Variants in HDAC5 observed in about 807,000 individuals in gnomAD.
HDAC5 encodes antigen NY-CO-9.
Under a neutral mutation model 133.3 loss-of-function variants are expected in HDAC5, and 25 were observed. The ratio of observed to expected loss-of-function variants is 0.19; its 90% CI spans 0.14 to 0.26. HDAC5 has a LOEUF of 0.26. Among genes scored for constraint, HDAC5 ranks in the 10% least tolerant of loss-of-function variants. The pLI, the probability that HDAC5 is intolerant of heterozygous loss-of-function variation, is 1.00. For synonymous variants in HDAC5, 589 were observed against 610.8 expected, an observed-to-expected ratio of 0.96 and a Z score of 0.53; for missense variants, 1,041 against 1,460.5, an observed-to-expected ratio of 0.71 and a Z score of 4.68.
chr17:44,093,872 AG>A, intron 3 of HDAC5, 38 bp from the exon 4 acceptor site: 1 of 1,453,704 alleles, frequency 6.9e-7, no homozygotes, highest in Non-Finnish European at 9.1e-7. Flanking sequence ...TAGTGGGCCC[AG>A]CCCCAGACTC....
Position 44,078,205 on chromosome 17 carries a change from A to T in HDAC5, c.*171T>A. On this transcript the variant is annotated 3_prime_UTR_variant, in exon 27 of 27. Transcript: ENST00000682912. Reference sequence around the variant, plus strand: ...CCCTGCAGAGGGAGCAGGCTTCTAGAGCTGAGGTGGAAGCCACAGGGCTGG... The same window carrying T: ...CCCTGCAGAGGGAGCAGGCTTCTAGTGCTGAGGTGGAAGCCACAGGGCTGG... 1.7e-6 allele frequency: 1 copy of T among 590,854 alleles called. No homozygotes were observed. Among genetic ancestry groups the T allele is most frequent in the Non-Finnish European group, 2.8e-6 (1 of 356,956 alleles). The allele number at this position is 590,854 out of a possible 1,614,324, so 36.6% of individuals were successfully genotyped here.
Position 44,093,178 on chromosome 17 carries a change from C to G in HDAC5, c.555G>C (p.Leu185=), listed in dbSNP as rs2051047502. ...ESAIASTEVK[L]RLQEFLLSKS... is the part of the protein sequence containing the mutation. ...TCGACAAGAGGAATTCCTGGAGCCT[C>G]AGCTTTACCTCAGTGCTGGCAATGG... The change falls in exon 6 of 27, where the codon CTG becomes CTC. Residue 185 remains leucine, a synonymous_variant. Transcript: ENST00000682912. 1 of 1,613,548 alleles carries G rather than the reference C, an allele frequency of 6.2e-7. No individual in the cohort carries two copies. Among genetic ancestry groups the G allele is most frequent in the African/African-American group, 1.3e-5 (1 of 74,938 alleles).
chr17:44,086,583 A>G lies in HDAC5; in HGVS notation c.2039T>C (p.Leu680Pro). The stretch of plus-strand genomic sequence containing the variant: ...TGGTGGGGGCTCACCTGTGGTGAAG[A>G]GGTGCTTGACGGGCTGGTCTGGGGG... ...KSPPDQPVKH[L>P]FTTGVVYDTF... Residue 680 changes from leucine (L) to proline (P), a missense_variant, in exon 14 of 27, where the codon CTC becomes CCC. Physicochemically the swap from Leu to Pro is moderately conservative, Grantham distance 98 (BLOSUM62 -3). Coordinates refer to ENST00000682912, the MANE Select transcript of HDAC5 (RefSeq NM_005474.5). 1 of 1,303,948 alleles carries G rather than the reference A, an allele frequency of 7.7e-7. No homozygotes were observed. The highest frequency in any genetic ancestry group is 9.8e-7 in the Non-Finnish European group (1 of 1,018,488). 80.8% of individuals were successfully genotyped at this position (1,303,948 alleles called of 1,614,324 possible).
rs2050296036 is a variant in HDAC5 at position 44,079,665 on chromosome 17, GAAAA to G, written c.2945-392_2945-389del. Among the ~76,000 whole-genome samples, 4 of 133,452 alleles carry G rather than the reference GAAAA, an allele frequency of 3.0e-5. 1 individual carries two copies. The highest frequency in any genetic ancestry group is 1.0e-4 in the African/African-American group (4 of 38,318). 87.5% of individuals were successfully genotyped at this position (133,452 alleles called of 152,430 possible). A position where few individuals can be genotyped will look rare whatever the true frequency, so the allele number is the denominator to read the frequency against. ...AAAAAAAAAAAAAAAAAAAAAGAAA[GAAAA>G]GGAGAGAAAAAGAAACACAAGAGGT... is the stretch of plus-strand genomic sequence containing the variant. On this transcript the variant is annotated intron_variant, in intron 23 of 26. Coordinates refer to ENST00000682912, the MANE Select transcript of HDAC5 (RefSeq NM_005474.5).
intron 1 of HDAC5, among the ~76,000 whole-genome samples, chr17:44,122,851 T>C (rs553061171): frequency 6.6e-6 from 1 of 152,174 alleles, no homozygotes; most frequent in African/African-American, 2.4e-5. Flanking sequence ...GGGAGCTCCA[T>C]TTCATCTCCT....
chr17:44,117,616 C>CGGGACGGGAGCCCG lies in HDAC5; in HGVS notation c.-115_-102dup. ...AGACAGACGATAACAGACAGACGGA[C>CGGGACGGGAGCCCG]GGGACGGGAGCCCGGGGCCGCCGTG... On this transcript the variant is annotated 5_prime_UTR_variant, in exon 2 of 27. An upstream open reading frame in the 5' UTR loses its in-frame stop. Coordinates refer to ENST00000682912, the MANE Select transcript of HDAC5 (RefSeq NM_005474.5). This position sits in a 1 kb window ranked among gnomAD's most constrained non-coding sequence, Gnocchi z 4.2. The CGGGACGGGAGCCCG allele has an allele frequency of 7.0e-7, 1 of 1,429,526 alleles. No individual in the cohort carries two copies. The highest frequency in any genetic ancestry group is 2.3e-5 in the East Asian group (1 of 44,034). 88.6% of individuals were successfully genotyped at this position (1,429,526 alleles called of 1,614,324 possible). A position where few individuals can be genotyped will look rare whatever the true frequency, so the allele number is the denominator to read the frequency against.
chr17:44,110,665 A>C, intron 3 of HDAC5, 64 bp downstream of exon 3: 1 of 1,334,296 alleles, frequency 7.5e-7, no homozygotes, highest in Non-Finnish European at 1.1e-6. Flanking sequence ...TCAGGGCCAG[A>C]TGCTCAGCCC....
chr17:44,117,598 CGAT>C lies in HDAC5; in HGVS notation c.-86_-84del. ...CTGCGGTGATGTCAAGAGAGACAGA[CGAT>C]AACAGACAGACGGACGGGACGGGAG... On this transcript the variant is annotated 5_prime_UTR_variant, in exon 2 of 27. Coordinates refer to ENST00000682912, the MANE Select transcript of HDAC5 (RefSeq NM_005474.5). The surrounding 1 kb of genome is among the most constrained non-coding windows in gnomAD (Gnocchi z 4.2). The C allele has an allele frequency of 6.6e-7, 1 of 1,508,842 alleles. No homozygotes were observed. Among genetic ancestry groups the C allele is most frequent in the Middle Eastern group, 1.7e-4 (1 of 5,826 alleles). The allele number at this position is 1,508,842 out of a possible 1,614,324, so 93.5% of individuals were successfully genotyped here.
chr17:44,106,643 T>A (rs969499887), intron 3 of HDAC5, among the ~76,000 whole-genome samples: 2 of 151,250 alleles, frequency 1.3e-5, no homozygotes, highest in Admixed American at 1.3e-4. Flanking sequence ...CAGGCTGGAG[T>A]GCAATGGCGC....
intron 1 of HDAC5, among the ~76,000 whole-genome samples, chr17:44,119,726 G>T (rs749354425): frequency 2.0e-5 from 3 of 152,164 alleles, no homozygotes; most frequent in African/African-American, 7.2e-5. Context: ...TGGTCTGATC[G>T]GGACAAGCAC....
chr17:44,087,126 G>A (rs923023656), intron 13 of HDAC5, among the ~76,000 whole-genome samples: 3 of 151,572 alleles, frequency 2.0e-5, no homozygotes, highest in Admixed American at 2.0e-4. Context: ...CACGCACAGG[G>A]ACCGACGCAT....
chr17:44,118,174 C>G (rs2052766615), intron 1 of HDAC5, among the ~76,000 whole-genome samples: 1 of 152,222 alleles, frequency 6.6e-6, no homozygotes, highest in South Asian at 2.1e-4. Flanking sequence ...CTTCTCCCGA[C>G]TTTCTGATCC....
chr17:44,114,511 G>A (rs1304090141), intron 2 of HDAC5, among the ~76,000 whole-genome samples: 2 of 152,178 alleles, frequency 1.3e-5, no homozygotes, highest in Non-Finnish European at 2.9e-5. Flanking sequence ...GGAGGCGCTG[G>A]GCAGGCAGGT....
At chr17:44,111,616 G>A (rs2052350883) in intron 2 of HDAC5, 2 of 517,994 alleles carry the variant, frequency 3.9e-6, no homozygotes, top group Non-Finnish European at 7.7e-6. Flanking sequence ...GGGTCTAGGA[G>A]AGGCTGGCAC....
chr17:44,101,718 G>A (rs2051620980), intron 3 of HDAC5, among the ~76,000 whole-genome samples: 1 of 152,156 alleles, frequency 6.6e-6, no homozygotes, highest in Non-Finnish European at 1.5e-5. Flanking sequence ...CTAAGTAGCA[G>A]CAAAACAGAG....
Position 44,082,756 on chromosome 17 carries a change from G to A in HDAC5, c.2519+9C>T, listed in dbSNP as rs2050456465. 6.3e-7 allele frequency: 1 copy of A among 1,588,106 alleles called. No individual in the cohort carries two copies. On this transcript the variant is annotated intron_variant, in intron 19 of 26. Transcript: ENST00000682912. ...GAAGGGGCGAGGGCAGAGAATCTAG[G>A]GCACTCACATGGCTGTGGATTCCTC...
rs559960867 is a variant in HDAC5, at chr17:44,088,961, C to A, written c.1388-363G>T. The stretch of plus-strand genomic sequence containing the variant: ...GGCCTCCCTGATCATGGATCCTCCC[C>A]GTGGATCCCGCCAGGCTAGGAAGCC... On this transcript the variant is annotated intron_variant, in intron 11 of 26. Transcript: ENST00000682912. Among the ~76,000 whole-genome samples, 93 of 152,128 alleles carry A rather than the reference C, an allele frequency of 6.1e-4. 2 individuals are homozygous for A. Among genetic ancestry groups the A allele is most frequent in the African/African-American group, 2.0e-3 (84 of 41,494 alleles).
chr17:44,091,207 A>G lies in HDAC5; in HGVS notation c.1387+63T>C, dbSNP rs1597963611. ...AAGGGGAACTGTGACAGGGTTGGAG[A>G]GTATCCCTGACAGTTGGTCCTGACC... On this transcript the variant is annotated intron_variant, in intron 11 of 26. Coordinates refer to ENST00000682912, the MANE Select transcript of HDAC5 (RefSeq NM_005474.5). 9 of 1,207,488 alleles carry G rather than the reference A, an allele frequency of 7.5e-6. No individual in the cohort carries two copies. The East Asian group carries it at 1.8e-4, about 24-fold the overall frequency. The allele number at this position is 1,207,488 out of a possible 1,614,324, so 74.8% of individuals were successfully genotyped here. A position where few individuals can be genotyped will look rare whatever the true frequency, so the allele number is the denominator to read the frequency against.
At chr17:44,089,876 A>G (rs972027566) in intron 11 of HDAC5, among the ~76,000 whole-genome samples, 12 of 145,616 alleles carry the variant, frequency 8.2e-5, no homozygotes, top group Admixed American at 2.1e-4. Flanking sequence ...GGGTGCAGTG[A>G]GCAGAGATCC....
Sources: allele counts gnomAD v4.1 joint callset (sites outside exome capture counted in the v4.1 genomes callset), GRCh38; gene constraint gnomAD v4.1.1; non-coding constraint Gnocchi (gnomAD v3.1); transcripts MANE v1.5; gene names NCBI Gene and HGNC (gene_info 2026-07-23, HGNC 2026-07-21).